SORCS3: variants seen among roughly 807,000 people sequenced by gnomAD.
SORCS3 encodes the protein VPS10 domain-containing receptor SorCS3.
In SORCS3, 57 loss-of-function variants were observed where a neutral mutation model predicts 146.3. The ratio of observed to expected loss-of-function variants is 0.39; its 90% CI spans 0.31 to 0.49. The LOEUF (loss-of-function observed/expected upper bound fraction) is 0.49. Among genes scored for constraint, SORCS3 ranks in the 20% least tolerant of loss-of-function variants. SORCS3 has a pLI of 0.92. For missense variants in SORCS3, 1,341 were observed against 1,575.5 expected (o/e 0.85, Z 2.52); for synonymous variants, 653 against 618.5 (o/e 1.06, Z -0.83).
At chr10:104,884,941 G>A (rs1182456321) in intron 2 of SORCS3, among the ~76,000 whole-genome samples, 2 of 151,074 alleles carry the variant, frequency 1.3e-5, no homozygotes, top group Non-Finnish European at 1.5e-5. Flanking sequence ...TTCATTTTTT[G>A]CTTCTAGATT....
intron 1 of SORCS3, among the ~76,000 whole-genome samples, chr10:104,825,588 A>T (rs2017925825): frequency 6.6e-6 from 1 of 152,026 alleles, no homozygotes; most frequent in Non-Finnish European, 1.5e-5. Flanking sequence ...TGGTGGTTGG[A>T]TGGATGGAGT....
intron 1 of SORCS3, among the ~76,000 whole-genome samples, chr10:104,663,340 TG>T (rs2133250180): frequency 6.6e-6 from 1 of 152,254 alleles, no homozygotes; most frequent in Non-Finnish European, 1.5e-5. Context: ...TAGGATGGTG[TG>T]GGAAAGCAGG....
rs540604423 is a variant in SORCS3 at position 104,909,419 on chromosome 10, G to A, written c.696-6414G>A. 3.3e-5 allele frequency among the ~76,000 whole-genome samples: 5 copies of A among 152,250 alleles called. No homozygotes were observed. The South Asian group carries it at 1.0e-3, about 32-fold the overall frequency. On this transcript the variant is annotated intron_variant, in intron 2 of 26. Transcript: ENST00000369701. ...GAGGAAAGGAACAACCACAACTGTG[G>A]TTGTTTGCCAATTTTAGATTGTTTG...
chr10:105,253,730 C>G (rs2056914125), intron 23 of SORCS3, among the ~76,000 whole-genome samples: 2 of 152,236 alleles, frequency 1.3e-5, no homozygotes, highest in African/African-American at 4.8e-5. Context: ...GTGATACTCA[C>G]TGGCCATCAC....
chr10:104,728,495 T>C lies in SORCS3; in HGVS notation c.627+86541T>C, dbSNP rs954104241. ...GTCAGGGATGATAATAGGAAGTTGA[T>C]TGAAGCCAAGAAAATGGTTGGAAAC... On this transcript the variant is annotated intron_variant, in intron 1 of 26. Coordinates refer to ENST00000369701, the MANE Select transcript of SORCS3 (RefSeq NM_014978.3). Among the ~76,000 whole-genome samples the C allele has an allele frequency of 3.9e-5, 6 of 152,104 alleles. No individual in the cohort carries two copies. The East Asian group carries it at 5.8e-4, about 15-fold the overall frequency.
At chr10:105,020,974 G>T (rs2055194458) in intron 4 of SORCS3, among the ~76,000 whole-genome samples, 1 of 152,172 alleles carries the variant, frequency 6.6e-6, no homozygotes, top group Non-Finnish European at 1.5e-5. Context: ...TCTTCTTGGA[G>T]ATCATATACT....
chr10:104,727,661 G>A (rs990734176), intron 1 of SORCS3, among the ~76,000 whole-genome samples: 3 of 151,530 alleles, frequency 2.0e-5, no homozygotes, highest in Non-Finnish European at 2.9e-5. Flanking sequence ...CCTTTTTAGG[G>A]GTCCCCAACC....
intron 3 of SORCS3, among the ~76,000 whole-genome samples, chr10:104,971,886 G>A (rs1326828477): frequency 5.3e-5 from 8 of 152,078 alleles, no homozygotes; most frequent in South Asian, 2.1e-4. Context: ...CAAAATAGAC[G>A]GAATTGTTGT....
In SORCS3 at chr10:105,076,319, A is replaced by G. The variant is rs17118253; in HGVS notation, c.1029-13456A>G. ...GTCTAAAAATGCACGTGAGTTAGAAATGATGCCCAGTGTGTAAGTGAAATC... is the reference window on the plus strand; with the variant it reads ...GTCTAAAAATGCACGTGAGTTAGAAGTGATGCCCAGTGTGTAAGTGAAATC... On this transcript the variant is annotated intron_variant, in intron 5 of 26. Coordinates refer to ENST00000369701, the MANE Select transcript of SORCS3 (RefSeq NM_014978.3). 8.2e-3 allele frequency among the ~76,000 whole-genome samples: 1,255 copies of G among 152,330 alleles called. 21 individuals carry two copies. The highest frequency in any genetic ancestry group is 0.029 in the African/African-American group (1,193 of 41,572).
chr10:104,660,415 G>C (rs2015686229), intron 1 of SORCS3, among the ~76,000 whole-genome samples: 1 of 152,184 alleles, frequency 6.6e-6, no homozygotes, highest in Admixed American at 6.5e-5. Flanking sequence ...GGAACTTCTA[G>C]GGACAGAAGA....
At chr10:104,780,761 G>A (rs920618014) in intron 1 of SORCS3, among the ~76,000 whole-genome samples, 1 of 152,180 alleles carries the variant, frequency 6.6e-6, no homozygotes, top group African/African-American at 2.4e-5. Context: ...ACTGGGAATT[G>A]CCTGTGTCTT....
intron 4 of SORCS3, among the ~76,000 whole-genome samples, chr10:105,016,134 AATATATAT>A (rs1355412638): frequency 8.8e-6 from 1 of 113,694 alleles, no homozygotes; most frequent in Non-Finnish European, 1.7e-5. Context: ...ATATTATATA[AATATATAT>A]ATATATATAT....
At chr10:104,771,571 C>T (rs1340128615) in intron 1 of SORCS3, among the ~76,000 whole-genome samples, 1 of 152,116 alleles carries the variant, frequency 6.6e-6, no homozygotes, top group Non-Finnish European at 1.5e-5. Flanking sequence ...ACAGCCTAGC[C>T]AGGCAGCAGG....
intron 14 of SORCS3, among the ~76,000 whole-genome samples, chr10:105,179,789 C>G (rs2056431871): frequency 6.6e-6 from 1 of 152,074 alleles, no homozygotes; most frequent in Non-Finnish European, 1.5e-5. Context: ...ATGGCAATGG[C>G]AAAGATTGAA....
chr10:105,186,338 A>G (rs970345930), intron 14 of SORCS3, among the ~76,000 whole-genome samples: 1 of 152,206 alleles, frequency 6.6e-6, no homozygotes, highest in African/African-American at 2.4e-5. Flanking sequence ...CTTATTTATT[A>G]TCTCCCATAG....
intron 1 of SORCS3, among the ~76,000 whole-genome samples, chr10:104,705,969 C>T (rs1212066996): frequency 6.6e-6 from 1 of 152,136 alleles, no homozygotes; most frequent in Non-Finnish European, 1.5e-5. Flanking sequence ...AGAACTTAAC[C>T]ACTGTCTGCA....
intron 7 of SORCS3, among the ~76,000 whole-genome samples, chr10:105,120,736 T>C (rs2055926482): frequency 6.6e-6 from 1 of 152,218 alleles, no homozygotes; most frequent in Non-Finnish European, 1.5e-5. Flanking sequence ...CTACATATTA[T>C]AAAGTAACTA....
chr10:105,088,485 TTTA>T (rs1252221024), intron 5 of SORCS3, among the ~76,000 whole-genome samples: 1 of 142,722 alleles, frequency 7.0e-6, no homozygotes, highest in Non-Finnish European at 1.6e-5. Context: ...TAAAAATCAT[TTTA>T]GTTTTTCTAA....
At chr10:104,660,695 G>A (rs937293148) in intron 1 of SORCS3, among the ~76,000 whole-genome samples, 4 of 152,202 alleles carry the variant, frequency 2.6e-5, no homozygotes, top group African/African-American at 7.2e-5. Context: ...TTGGGAAGGC[G>A]TTTTAGGGAT....
Sources: allele counts gnomAD v4.1 joint callset (sites outside exome capture counted in the v4.1 genomes callset), GRCh38; gene constraint gnomAD v4.1.1; transcripts MANE v1.5; gene names NCBI Gene and HGNC (gene_info 2026-07-23, HGNC 2026-07-21).